The following DDX11 variants were observed in gnomAD, a reference collection of about 807,000 sequenced individuals.
DDX11 encodes DEAD/H-box helicase 11, also known as ATP-dependent DNA helicase DDX11.
In DDX11, 72 loss-of-function variants were observed where a neutral mutation model predicts 125.2. That is an observed-to-expected ratio of 0.58 (90% CI 0.48 to 0.70). DDX11 has a LOEUF of 0.70. DDX11 is among the 30% of genes least tolerant of loss of function. The pLI, the probability that DDX11 is intolerant of heterozygous loss-of-function variation, is 0.00. For synonymous variants in DDX11, 347 were observed against 452.6 expected (o/e 0.77, Z 2.96); for missense variants, 883 against 1,165.0 (o/e 0.76, Z 3.52).
intron 1 of DDX11, chr12:31,077,797 TTGCGCCAC>T (rs1940975995): frequency 5.5e-6 from 1 of 181,566 alleles, no homozygotes; most frequent in Admixed American, 5.4e-5. Context: ...TGAGCCGAGA[TTGCGCCAC>T]TGCACTCCAG....
intron 1 of DDX11, 68 bp from the exon 2 acceptor site, chr12:31,078,322 T>C (rs1490543546): frequency 1.9e-6 from 3 of 1,610,222 alleles, no homozygotes; most frequent in Non-Finnish European, 2.5e-6. Context: ...TAAATAATGC[T>C]CCAGATTTCA....
In DDX11 at chr12:31,075,137, C is replaced by G. The variant is rs1400780611; in HGVS notation, c.-5+1046C>G. Among the ~76,000 whole-genome samples, 3 of 152,188 alleles carry G rather than the reference C, an allele frequency of 2.0e-5. No homozygotes were observed. In the East Asian group the frequency reaches 5.8e-4, roughly 29 times the overall value. On this transcript the variant is annotated intron_variant, in intron 1 of 26. Transcript: ENST00000542838. ...ACTGGGAGGTGATGGTTGTCCTCCA[C>G]ACAGCCAACCTGAAGAGGGCTGAAC...
At position 31,097,909 on chromosome 12, in the gene DDX11, A is replaced by C; in HGVS notation, c.1787A>C (p.Lys596Thr). ...RQGSLSQSTL[K>T]FLLLNPAVHF... ...GGCAGCCTCAGTCAGAGCACCCTGA[A>C]GTTTTTGCTCCTGAATCCAGCTGTG... is the stretch of plus-strand genomic sequence containing the variant. Residue 596 changes from lysine (K) to threonine (T), a missense_variant, in exon 18 of 27, where the codon AAG becomes ACG. This residue lies in a region of DDX11 where 241 missense variants were observed against 279.7 expected (regional missense o/e 0.86). Coordinates refer to ENST00000542838, the MANE Select transcript of DDX11 (RefSeq NM_030653.4). The C allele has an allele frequency of 6.2e-7, 1 of 1,613,412 alleles. No individual in the cohort carries two copies. The highest frequency in any genetic ancestry group is 8.5e-7 in the Non-Finnish European group (1 of 1,179,670).
At chr12:31,100,474 C>T in intron 18 of DDX11, 161 bp from the exon 19 acceptor site, 2 of 608,712 alleles carry the variant, frequency 3.3e-6, no homozygotes, top group East Asian at 2.9e-5. Flanking sequence ...CACTGGGTAT[C>T]AGTCACCATT....
chr12:31,102,304 G>A lies in DDX11; in HGVS notation c.2264G>A (p.Cys755Tyr), dbSNP rs746351052. Reference protein sequence around the residue: ...VEQVLLAYSRCIQACGQERGQ... With the variant: ...VEQVLLAYSRYIQACGQERGQ... Reference sequence around the variant, plus strand: ...CAGGTGCTGCTGGCATATTCCAGGTGCATCCAGGTGCGGGCGTCATGCTGG... The same window carrying A: ...CAGGTGCTGCTGGCATATTCCAGGTACATCCAGGTGCGGGCGTCATGCTGG... The change falls in exon 22 of 27, where the codon TGC becomes TAC. Residue 755 changes from cysteine (C) to tyrosine (Y), a missense_variant. By Grantham distance (194) the Cys-to-Tyr change is radical. Coordinates refer to ENST00000542838, the MANE Select transcript of DDX11 (RefSeq NM_030653.4). The A allele has an allele frequency of 6.8e-6, 11 of 1,614,046 alleles. No individual in the cohort carries two copies. In the African/African-American group the frequency reaches 1.1e-4, roughly 16 times the overall value.
intron 2 of DDX11, among the ~76,000 whole-genome samples, chr12:31,081,776 A>G (rs1197673470): frequency 9.4e-6 from 1 of 106,162 alleles, no homozygotes; most frequent in Non-Finnish European, 1.8e-5. Context: ...TTCCAGTCTA[A>G]AAGTTTTGTG....
intron 2 of DDX11, among the ~76,000 whole-genome samples, chr12:31,080,961 T>G (rs1363264981): frequency 6.6e-6 from 1 of 152,118 alleles, no homozygotes; most frequent in African/African-American, 2.4e-5. Flanking sequence ...AGGCCGGTGG[T>G]CTTAAACCCC....
At position 31,103,939 on chromosome 12, in the gene DDX11, T is replaced by G; in HGVS notation, c.*103T>G. On this transcript the variant is annotated 3_prime_UTR_variant, in exon 27 of 27. Coordinates refer to ENST00000542838, the MANE Select transcript of DDX11 (RefSeq NM_030653.4). ...GTCTGCGGGGATCCTGTTACAAAGG[T>G]GAAACCCAGGAGGAGAGTGTGGAGT... The G allele has an allele frequency of 1.2e-6, 2 of 1,611,642 alleles. No individual in the cohort carries two copies. Among genetic ancestry groups the G allele is most frequent in the Non-Finnish European group, 1.7e-6 (2 of 1,178,958 alleles).
intron 11 of DDX11, 139 bp downstream of exon 11, chr12:31,093,031 G>A (rs1249403352): frequency 9.9e-7 from 1 of 1,012,042 alleles, no homozygotes; most frequent in Non-Finnish European, 1.5e-6. Flanking sequence ...TCATGTCCTA[G>A]GCACATCATG....
chr12:31,088,180 TGGAGTCCTCTCCTGGGGTCAGGGCCTGG>T (rs1215889787), intron 6 of DDX11, among the ~76,000 whole-genome samples, 197 bp downstream of exon 6: 1 of 152,140 alleles, frequency 6.6e-6, no homozygotes, highest in African/African-American at 2.4e-5. Context: ...CAGTGGACCC[TGGAGTCCTCTCCTGGGGTCAGGGCCTGG>T]GGAGTCCTCT....
At chr12:31,095,668 G>T (rs548249822) in intron 14 of DDX11, among the ~76,000 whole-genome samples, 1 of 152,124 alleles carries the variant, frequency 6.6e-6, no homozygotes, top group Non-Finnish European at 1.5e-5. Flanking sequence ...TGTGACAGCC[G>T]CCAGGCCTGA....
intron 2 of DDX11, among the ~76,000 whole-genome samples, chr12:31,083,426 T>C (rs1942423776): frequency 6.6e-6 from 1 of 152,196 alleles, no homozygotes; most frequent in East Asian, 1.9e-4. Context: ...GGCTCCCTGT[T>C]GGCGAGTACC....
At chr12:31,099,573 T>G (rs886442579) in intron 18 of DDX11, among the ~76,000 whole-genome samples, 2 of 149,194 alleles carry the variant, frequency 1.3e-5, no homozygotes, top group Non-Finnish European at 3.0e-5. Context: ...TTGCCTTTCC[T>G]CTTTGCCTTT....
intron 17 of DDX11, among the ~76,000 whole-genome samples, 195 bp downstream of exon 17, chr12:31,097,185 T>G (rs1945407358): frequency 6.9e-6 from 1 of 145,314 alleles, no homozygotes; most frequent in Non-Finnish European, 1.5e-5. Context: ...AGGGCTGGGA[T>G]GGGGGTCCCG....
intron 4 of DDX11, 101 bp from the exon 5 acceptor site, chr12:31,084,868 A>T: frequency 1.4e-6 from 2 of 1,454,216 alleles, no homozygotes; most frequent in Non-Finnish European, 1.9e-6. Flanking sequence ...AGCCAGGCCT[A>T]TGTGAATGGG....
intron 20 of DDX11, 156 bp downstream of exon 20, chr12:31,101,286 C>G: frequency 2.9e-6 from 2 of 699,634 alleles, no homozygotes; most frequent in South Asian, 1.6e-5. Context: ...CGGCGTCGAT[C>G]TAGATGCTTA....
chr12:31,092,873 C>A lies in DDX11; in HGVS notation c.1270C>A (p.Gln424Lys), dbSNP rs143129277. The change falls in exon 11 of 27, where the codon CAG becomes AAG. Residue 424 changes from glutamine (Q) to lysine (K), a missense_variant. By Grantham distance (53) the Gln-to-Lys change is moderately conservative. This residue lies in a region of DDX11 where 241 missense variants were observed against 279.7 expected (regional missense o/e 0.86). Coordinates refer to ENST00000542838, the MANE Select transcript of DDX11 (RefSeq NM_030653.4). ...QLCQAHSQLL[Q>K]YVERYGKRLK... ...CTGCCAGGCCCATTCCCAGCTGCTG[C>A]AGTACGTGGAGCGATACGGGTGAGA... 6 of 1,613,910 alleles carry A rather than the reference C, an allele frequency of 3.7e-6. No individual in the cohort carries two copies. The highest frequency in any genetic ancestry group is 1.3e-5 in the African/African-American group (1 of 74,928).
intron 9 of DDX11, among the ~76,000 whole-genome samples, chr12:31,090,505 TG>T: frequency 6.6e-6 from 1 of 151,832 alleles, no homozygotes; most frequent in South Asian, 2.1e-4. Context: ...TTTTCCTTTT[TG>T]TAATATCAGT....
chr12:31,082,838 C>G (rs1237464207), intron 2 of DDX11, among the ~76,000 whole-genome samples: 5 of 152,180 alleles, frequency 3.3e-5, no homozygotes, highest in Non-Finnish European at 7.3e-5. Flanking sequence ...TTCTGAGGGT[C>G]GTGAGGGAAA....
Sources: allele counts gnomAD v4.1 joint callset (sites outside exome capture counted in the v4.1 genomes callset), GRCh38; gene constraint gnomAD v4.1.1; regional missense constraint gnomAD v4.1.1; transcripts MANE v1.5; gene names NCBI Gene and HGNC (gene_info 2026-07-23, HGNC 2026-07-21).